Variants in BACH2 observed in about 807,000 individuals in gnomAD.
BACH2 encodes the protein BACH transcriptional regulator 2, also known as transcription regulator protein BACH2.
In BACH2, 5 loss-of-function variants were observed where a neutral mutation model predicts 61.8. That is an observed-to-expected ratio of 0.08 (90% confidence interval 0.04 to 0.17). The LOEUF is 0.17. BACH2 is among the 10% of genes least tolerant of loss of function. BACH2 has a pLI of 1.00. For missense variants in BACH2, 824 were observed against 1,091.1 expected (o/e 0.76, Z 3.45); for synonymous variants, 446 against 440.1 (o/e 1.01, Z -0.17).
chr6:89,972,527 G>T (rs1240300523), intron 6 of BACH2, among the ~76,000 whole-genome samples: 1 of 152,146 alleles, frequency 6.6e-6, no homozygotes, highest in Non-Finnish European at 1.5e-5. Flanking sequence ...AGCTATTTGG[G>T]ACGCTTTACA....
intron 4 of BACH2, among the ~76,000 whole-genome samples, chr6:90,166,329 G>C (rs1767615921): frequency 6.6e-6 from 1 of 151,902 alleles, no homozygotes; most frequent in African/African-American, 2.4e-5. Context: ...GGCCATCAGA[G>C]AAATGCAAAT....
At chr6:90,014,422 G>C (rs1218111059) in intron 5 of BACH2, among the ~76,000 whole-genome samples, 1 of 53,256 alleles carries the variant, frequency 1.9e-5, no homozygotes, top group Admixed American at 2.7e-4. Flanking sequence ...GCATAAAATT[G>C]TGTGTGTGTG....
intron 4 of BACH2, among the ~76,000 whole-genome samples, chr6:90,107,979 C>T (rs1234828667): frequency 6.6e-6 from 1 of 152,204 alleles, no homozygotes; most frequent in South Asian, 2.1e-4. Flanking sequence ...CAAGAGGAAA[C>T]TCTGAATAAA....
chr6:90,244,447 G>A lies in BACH2; in HGVS notation c.-275+8066C>T, dbSNP rs535132957. 2.0e-5 allele frequency among the ~76,000 whole-genome samples: 3 copies of A among 152,262 alleles called. No individual in the cohort carries two copies. In the South Asian group the frequency reaches 6.2e-4, roughly 32 times the overall value. On this transcript the variant is annotated intron_variant, in intron 3 of 8. Coordinates refer to ENST00000257749, the MANE Select transcript of BACH2 (RefSeq NM_021813.4). ...TGAAGTCAAGCAGAAACTCTGCTGT[G>A]ATCTCTCCAGAATCTGGTCTAGAAT...
chr6:90,092,263 T>C (rs1309730091), intron 4 of BACH2, among the ~76,000 whole-genome samples: 15 of 91,654 alleles, frequency 1.6e-4, no homozygotes, highest in African/African-American at 5.6e-4. Flanking sequence ...GTCTGTGCAA[T>C]TGGCACACTG....
intron 1 of BACH2, among the ~76,000 whole-genome samples, chr6:90,279,280 T>C (rs780737370): frequency 2.0e-5 from 3 of 151,810 alleles, no homozygotes; most frequent in Non-Finnish European, 4.4e-5. Context: ...CCCAGCACTT[T>C]GGGAGGCTGA....
At chr6:90,257,772 C>T (rs1380235307) in intron 2 of BACH2, among the ~76,000 whole-genome samples, 1 of 151,820 alleles carries the variant, frequency 6.6e-6, no homozygotes, top group African/African-American at 2.4e-5. Context: ...TTGGTGTAGT[C>T]CCATTTATTT....
chr6:90,142,166 A>G (rs967439959), intron 4 of BACH2, among the ~76,000 whole-genome samples: 4 of 152,204 alleles, frequency 2.6e-5, no homozygotes, highest in Admixed American at 2.0e-4. Context: ...GTCATCTAAC[A>G]CCTCTCATTG....
At chr6:90,236,318 T>G (rs1235280863) in intron 3 of BACH2, among the ~76,000 whole-genome samples, 1 of 152,222 alleles carries the variant, frequency 6.6e-6, no homozygotes, top group African/African-American at 2.4e-5. Flanking sequence ...TTAGAAACAG[T>G]ATGCTAGGCC....
chr6:90,018,034 T>C (rs978030389), intron 5 of BACH2, among the ~76,000 whole-genome samples: 5 of 152,204 alleles, frequency 3.3e-5, no homozygotes, highest in Non-Finnish European at 7.3e-5. Flanking sequence ...TAGTCTAGGG[T>C]TCATTACTCC....
chr6:90,000,454 G>A (rs761128902), intron 6 of BACH2, among the ~76,000 whole-genome samples: 3 of 152,144 alleles, frequency 2.0e-5, no homozygotes, highest in Non-Finnish European at 2.9e-5. Context: ...TTGCACCACA[G>A]CTTTTAATGA....
At chr6:90,184,823 G>C (rs1768295809) in intron 4 of BACH2, among the ~76,000 whole-genome samples, 1 of 152,222 alleles carries the variant, frequency 6.6e-6, no homozygotes, top group Non-Finnish European at 1.5e-5. Context: ...GTATGGCTAA[G>C]GGGGTGGCAA....
At chr6:90,268,211 G>A (rs1163041898) in intron 2 of BACH2, among the ~76,000 whole-genome samples, 3 of 151,762 alleles carry the variant, frequency 2.0e-5, no homozygotes, top group Admixed American at 6.6e-5. Flanking sequence ...TCACCATGTT[G>A]GCCAAATTTG....
intron 4 of BACH2, among the ~76,000 whole-genome samples, chr6:90,092,452 TTA>T (rs1395473989): frequency 6.6e-6 from 1 of 151,752 alleles, no homozygotes; most frequent in Non-Finnish European, 1.5e-5. Context: ...ACAAAAGAGT[TTA>T]TAGTTTTCCA....
At chr6:90,291,561 A>C (rs80241208) in intron 1 of BACH2, among the ~76,000 whole-genome samples, 1 of 148,560 alleles carries the variant, frequency 6.7e-6, no homozygotes, top group Non-Finnish European at 1.5e-5. Flanking sequence ...AAAAAAAAAG[A>C]AAAAAAAAAG....
At position 90,008,562 on chromosome 6, in the gene BACH2, T is replaced by C. The variant is rs373188076; in HGVS notation, c.243+40A>G. 76 of 1,608,432 alleles carry C rather than the reference T, an allele frequency of 4.7e-5. No individual in the cohort carries two copies. Among genetic ancestry groups the C allele is most frequent in the Middle Eastern group, 1.9e-4 (1 of 5,156 alleles). Reference sequence around the variant, plus strand: ...AGTCAGCCAGTTTTCTGTAAGTCAATAAACATTCATTAACAATCACACAAA... The same window carrying C: ...AGTCAGCCAGTTTTCTGTAAGTCAACAAACATTCATTAACAATCACACAAA... On this transcript the variant is annotated intron_variant, in intron 6 of 8. Coordinates refer to ENST00000257749, the MANE Select transcript of BACH2 (RefSeq NM_021813.4). The surrounding 1 kb of genome is among the most constrained non-coding windows in gnomAD (Gnocchi z 4.1).
intron 3 of BACH2, among the ~76,000 whole-genome samples, chr6:90,235,614 G>A (rs929840282): frequency 2.6e-5 from 4 of 152,198 alleles, no homozygotes; most frequent in African/African-American, 9.7e-5. Flanking sequence ...TTTCAGCCAA[G>A]GAGTTTGAGC....
chr6:90,154,612 TCTCTCTAAGCGCCCCAGC>T (rs1300722289), intron 4 of BACH2, among the ~76,000 whole-genome samples: 1 of 152,080 alleles, frequency 6.6e-6, no homozygotes. Context: ...TAAGGGACCC[TCTCTCTAAGCGCCCCAGC>T]CTTGCTCCCA....
intron 2 of BACH2, among the ~76,000 whole-genome samples, chr6:90,271,369 AAAAAAAAAAAAAAG>A (rs1203521989): frequency 1.9e-4 from 16 of 85,240 alleles, no homozygotes; most frequent in Non-Finnish European, 3.7e-4. Context: ...CCCCATTTAA[AAAAAAAAAAAAAAG>A]AAAAAAGAAA....
Sources: allele counts gnomAD v4.1 joint callset (sites outside exome capture counted in the v4.1 genomes callset), GRCh38; gene constraint gnomAD v4.1.1; non-coding constraint Gnocchi (gnomAD v3.1); transcripts MANE v1.5; gene names NCBI Gene and HGNC (gene_info 2026-07-23, HGNC 2026-07-21).